Variants in MORC2 observed in about 807,000 individuals in gnomAD.
The protein encoded by MORC2 is ATPase MORC2.
Under a neutral mutation model 136.0 loss-of-function variants are expected in MORC2, and 30 were observed. That is an observed-to-expected ratio of 0.22 (90% CI 0.17 to 0.30). MORC2 has a LOEUF of 0.30. Ranked by LOEUF, MORC2 falls within the 10% of genes least tolerant of loss-of-function variation. MORC2 has a pLI of 1.00. For missense variants in MORC2, 922 were observed against 1,333.1 expected (o/e 0.69, Z 4.80); for synonymous variants, 439 against 487.0 (o/e 0.90, Z 1.30).
At position 30,967,906 on chromosome 22, in the gene MORC2, C is replaced by G; in HGVS notation, c.-17G>C. On this transcript the variant is annotated 5_prime_UTR_variant, in exon 1 of 26. Coordinates refer to ENST00000397641, the MANE Select transcript of MORC2 (RefSeq NM_001303256.3). ...GAAAGCCATGACTGCAATAAGGTCT[C>G]CAGCCCTTCACCCGCTAACTGGGAA... 6.6e-7 allele frequency: 1 copy of G among 1,522,906 alleles called. No homozygotes were observed. The highest frequency in any genetic ancestry group is 8.9e-7 in the Non-Finnish European group (1 of 1,121,402). The allele number at this position is 1,522,906 out of a possible 1,614,324, so 94.3% of individuals were successfully genotyped here.
intron 3 of MORC2, among the ~76,000 whole-genome samples, chr22:30,951,931 G>T (rs9609164): frequency 6.6e-6 from 1 of 151,948 alleles, no homozygotes; most frequent in South Asian, 2.1e-4. Context: ...TCAGCCTCCA[G>T]AGTAGCTTCT....
chr22:30,948,636 G>T (rs1330475521), intron 5 of MORC2, among the ~76,000 whole-genome samples: 1 of 152,214 alleles, frequency 6.6e-6, no homozygotes, highest in Non-Finnish European at 1.5e-5. Flanking sequence ...TCATTTAAGT[G>T]AAATGCACAG....
chr22:30,933,576 G>A, intron 20 of MORC2, 56 bp from the exon 21 acceptor site: 2 of 1,578,012 alleles, frequency 1.3e-6, no homozygotes, highest in Non-Finnish European at 1.7e-6. Context: ...GAGCAGACTT[G>A]TGCCTTACTG....
rs2041155214 is a variant in MORC2, at chr22:30,967,995, G to T, written c.-106C>A. On this transcript the variant is annotated 5_prime_UTR_variant, in exon 1 of 26. Transcript: ENST00000397641. ...TCCAGTAAAGCTTCAGTAAGTCTGT[G>T]CTCCTTAATGACAGTTAAAGTAACC... 1.0e-6 allele frequency: 1 copy of T among 986,514 alleles called. No homozygotes were observed. Among genetic ancestry groups the T allele is most frequent in the African/African-American group, 1.6e-5 (1 of 61,472 alleles). The allele number at this position is 986,514 out of a possible 1,614,324, so 61.1% of individuals were successfully genotyped here.
intron 6 of MORC2, among the ~76,000 whole-genome samples, chr22:30,943,199 A>T (rs1483922248): frequency 1.3e-5 from 2 of 152,226 alleles, no homozygotes; most frequent in Admixed American, 6.5e-5. Flanking sequence ...TTTCTAAAAA[A>T]TTCACAAATA....
intron 1 of MORC2, among the ~76,000 whole-genome samples, chr22:30,966,271 G>A (rs756721482): frequency 6.6e-6 from 1 of 152,164 alleles, no homozygotes; most frequent in Non-Finnish European, 1.5e-5. Flanking sequence ...AAAATTCAGA[G>A]CTGAGATAAC....
chr22:30,932,442 G>A lies in MORC2; in HGVS notation c.2758C>T (p.Arg920Trp). ...LLVQILRNCL[R>W]YFLPPSFPIS... is the part of the protein sequence containing the mutation. Reference sequence around the variant, plus strand: ...GGGAAACTTGGAGGCAGGAAGTACCGTAAACAATTCCTAAAGAAGGCAGGG... The same window carrying A: ...GGGAAACTTGGAGGCAGGAAGTACCATAAACAATTCCTAAAGAAGGCAGGG... The change falls in exon 24 of 26, where the codon CGG (arginine) becomes TGG (tryptophan). Residue 920 changes from arginine (R) to tryptophan (W), a missense_variant. Around this residue, in one of 9 missense-constraint regions of MORC2, gnomAD observed 263 missense variants for 388.3 expected, o/e 0.68. Transcript: ENST00000397641. This position sits in a 1 kb window ranked among gnomAD's most constrained non-coding sequence, Gnocchi z 4.4. 1 of 1,613,888 alleles carries A rather than the reference G, an allele frequency of 6.2e-7. No individual in the cohort carries two copies. The highest frequency in any genetic ancestry group is 8.5e-7 in the Non-Finnish European group (1 of 1,179,798).
intron 1 of MORC2, among the ~76,000 whole-genome samples, chr22:30,962,666 T>C (rs1310556738): frequency 5.3e-5 from 8 of 151,588 alleles, no homozygotes; most frequent in Non-Finnish European, 8.8e-5. Context: ...CATACATACA[T>C]ATTTCAGATA....
At chr22:30,955,085 A>T (rs2040947355) in intron 3 of MORC2, among the ~76,000 whole-genome samples, 1 of 151,016 alleles carries the variant, frequency 6.6e-6, no homozygotes, top group Non-Finnish European at 1.5e-5. Flanking sequence ...CAGCCTCCCG[A>T]GTAGCTGGGA....
chr22:30,946,896 T>C (rs78238128), intron 5 of MORC2, among the ~76,000 whole-genome samples: 5,204 of 152,126 alleles, frequency 0.034, 252 homozygotes, highest in African/African-American at 0.11. Context: ...CAACACGTCA[T>C]CTTCCATGCT....
At position 30,938,353 on chromosome 22, in the gene MORC2, T is replaced by C. The variant is rs1006826380; in HGVS notation, c.1074-148A>G. The C allele has an allele frequency of 6.8e-6, 6 of 880,606 alleles. No homozygotes were observed. The African/African-American group carries it at 8.5e-5, about 12-fold the overall frequency. 54.5% of individuals were successfully genotyped at this position (880,606 alleles called of 1,614,324 possible). A position where few individuals can be genotyped will look rare whatever the true frequency, so the allele number is the denominator to read the frequency against. ...TTGATGTGTAACCTGTTAGACTTGA[T>C]ATGGACATGCACTGGGCACCAACTC... On this transcript the variant is annotated intron_variant, in intron 12 of 25. Transcript: ENST00000397641.
chr22:30,966,536 AG>A (rs2147332445), intron 1 of MORC2, among the ~76,000 whole-genome samples: 1 of 152,270 alleles, frequency 6.6e-6, no homozygotes, highest in Non-Finnish European at 1.5e-5. Flanking sequence ...GCACTTTGGG[AG>A]GCCAAGGTGG....
rs60514280 is a variant in MORC2 at position 30,926,550 on chromosome 22, C to CAAAAAAAAAA, written c.*243_*252dup. 24 of 25,742 alleles carry CAAAAAAAAAA rather than the reference C, an allele frequency of 9.3e-4. 9 individuals carry two copies. The highest frequency in any genetic ancestry group is 1.2e-3 in the Non-Finnish European group (18 of 14,430). The allele number at this position is 25,742 out of a possible 1,614,324, so 1.6% of individuals were successfully genotyped here. A position where few individuals can be genotyped will look rare whatever the true frequency, so the allele number is the denominator to read the frequency against. On this transcript the variant is annotated 3_prime_UTR_variant, in exon 26 of 26. Transcript: ENST00000397641. ...AAGGTTCTCTGTCCTTTGCAGTCAC[C>CAAAAAAAAAA]AAAAAAAAAAAAAAAAAAAAAAAAA... is the stretch of plus-strand genomic sequence containing the variant.
intron 1 of MORC2, among the ~76,000 whole-genome samples, chr22:30,959,066 T>C (rs1258320804): frequency 6.6e-6 from 1 of 152,258 alleles, no homozygotes; most frequent in Non-Finnish European, 1.5e-5. Context: ...TCTGCATATC[T>C]CAGAGCAAGA....
Position 30,937,728 on chromosome 22 carries a change from G to A in MORC2, c.1370-17C>T, listed in dbSNP as rs200368726. The A allele has an allele frequency of 1.5e-4, 245 of 1,614,068 alleles. No individual in the cohort carries two copies. Among genetic ancestry groups the A allele is most frequent in the Non-Finnish European group, 1.8e-4 (216 of 1,179,980 alleles). On this transcript the variant is annotated splice_polypyrimidine_tract_variant and intron_variant, in intron 14 of 25. Transcript: ENST00000397641. The surrounding 1 kb of genome is among the most constrained non-coding windows in gnomAD (Gnocchi z 4.7). ...CCCTCTGGGCTGGAAAGCAAACACCGATACATCATGTTAGGAGCCAGCCTC... is the reference window on the plus strand; with the variant it reads ...CCCTCTGGGCTGGAAAGCAAACACCAATACATCATGTTAGGAGCCAGCCTC...
At position 30,950,360 on chromosome 22, in the gene MORC2, A is replaced by G; in HGVS notation, c.226+17T>C. 2 of 1,276,804 alleles carry G rather than the reference A, an allele frequency of 1.6e-6. No individual in the cohort carries two copies. The highest frequency in any genetic ancestry group is 2.2e-6 in the Non-Finnish European group (2 of 904,538). The allele number at this position is 1,276,804 out of a possible 1,614,324, so 79.1% of individuals were successfully genotyped here. On this transcript the variant is annotated intron_variant, in intron 4 of 25. Transcript: ENST00000397641. ...TCGCACCCCCCCACCCCCCAAAACA[A>G]TAATCTCATCACTTACTTGGATCCA...
chr22:30,934,316 T>C lies in MORC2; in HGVS notation c.2194-125A>G. 1 of 1,374,728 alleles carries C rather than the reference T, an allele frequency of 7.3e-7. No homozygotes were observed. Among genetic ancestry groups the C allele is most frequent in the East Asian group, 2.5e-5 (1 of 40,678 alleles). The allele number at this position is 1,374,728 out of a possible 1,614,324, so 85.2% of individuals were successfully genotyped here. A position where few individuals can be genotyped will look rare whatever the true frequency, so the allele number is the denominator to read the frequency against. ...TACTCCCTGCAATCCCTGCCTGACA[T>C]TACTTGGAATGTACACAGGCAACCC... On this transcript the variant is annotated intron_variant, in intron 19 of 25. Coordinates refer to ENST00000397641, the MANE Select transcript of MORC2 (RefSeq NM_001303256.3). The surrounding 1 kb of genome is among the most constrained non-coding windows in gnomAD (Gnocchi z 4.4).
In MORC2 at chr22:30,932,134, T is replaced by C. The variant is rs929121575; in HGVS notation, c.2841+225A>G. ...TCCTAGCACCTGTGGTGGGAAGGGG[T>C]TGGCTTTCTGCACACCAGAGTCATA... On this transcript the variant is annotated intron_variant, in intron 24 of 25. Transcript: ENST00000397641. The surrounding 1 kb of genome is among the most constrained non-coding windows in gnomAD (Gnocchi z 4.4). 4.2e-6 allele frequency: 2 copies of C among 478,076 alleles called. No individual in the cohort carries two copies. Among genetic ancestry groups the C allele is most frequent in the African/African-American group, 1.9e-5 (1 of 51,434 alleles). The allele number at this position is 478,076 out of a possible 1,614,324, so 29.6% of individuals were successfully genotyped here. A position where few individuals can be genotyped will look rare whatever the true frequency, so the allele number is the denominator to read the frequency against.
chr22:30,950,891 TA>T (rs2040877430), intron 3 of MORC2, among the ~76,000 whole-genome samples: 1 of 152,196 alleles, frequency 6.6e-6, no homozygotes, highest in African/African-American at 2.4e-5. Context: ...CTTTGTGAAT[TA>T]AGTCTGGGGT....
Sources: gnomAD v4.1 joint callset for allele counts (sites outside exome capture counted in the v4.1 genomes callset) on GRCh38, gnomAD v4.1.1 for gene constraint, gnomAD v4.1.1 regional missense constraint, Gnocchi (gnomAD v3.1) non-coding constraint, MANE v1.5 for transcripts, NCBI Gene and HGNC (gene_info 2026-07-23, HGNC 2026-07-21) for gene names.